Variants in BMI1 observed in about 807,000 individuals in gnomAD.
The protein encoded by BMI1 is polycomb complex protein BMI-1.
Under a neutral mutation model 39.1 loss-of-function variants are expected in BMI1, and 9 were observed. That is an observed-to-expected ratio of 0.23 (90% CI 0.14 to 0.40). BMI1 has a LOEUF of 0.40. Ranked by LOEUF, BMI1 falls within the 10% of genes least tolerant of loss-of-function variation. BMI1 has a pLI of 1.00. For missense variants in BMI1, 252 were observed against 390.8 expected, an observed-to-expected ratio of 0.64 and a Z score of 2.99; for synonymous variants, 131 against 127.9, an observed-to-expected ratio of 1.02 and a Z score of -0.16.
chr10:22,325,725 A>G (rs1443094881), intron 1 of BMI1: 5 of 151,226 alleles, frequency 3.3e-5, no homozygotes, highest in African/African-American at 1.2e-4. Context: ...TGCCAAGTGT[A>G]AGTGTAAGTT....
At chr10:22,322,929 C>G (rs1485919137) in intron 1 of BMI1, among the ~76,000 whole-genome samples, 2 of 152,126 alleles carry the variant, frequency 1.3e-5, no homozygotes, top group East Asian at 3.8e-4. Flanking sequence ...TTACCACTTG[C>G]AATAAAAGGA....
Position 22,331,001 on chromosome 10 carries a change from G to C in BMI1, c.*1459G>C, listed in dbSNP as rs932722090. On this transcript the variant is annotated 3_prime_UTR_variant, in exon 10 of 10. Coordinates refer to ENST00000376663, the MANE Select transcript of BMI1 (RefSeq NM_005180.9). ...GTAGCTAAACATTTCATTGTCCCCAGTCTGCAAAAGAAGCACAATTCTATT... is the reference window on the plus strand; with the variant it reads ...GTAGCTAAACATTTCATTGTCCCCACTCTGCAAAAGAAGCACAATTCTATT... 6.6e-6 allele frequency: 1 copy of C among 152,534 alleles called. No individual in the cohort carries two copies. The highest frequency in any genetic ancestry group is 2.4e-5 in the African/African-American group (1 of 41,436). 9.4% of individuals were successfully genotyped at this position (152,534 alleles called of 1,614,324 possible).
At position 22,329,628 on chromosome 10, in the gene BMI1, C is replaced by A; in HGVS notation, c.*86C>A. 1 of 1,452,138 alleles carries A rather than the reference C, an allele frequency of 6.9e-7. No homozygotes were observed. Among genetic ancestry groups the A allele is most frequent in the Non-Finnish European group, 9.2e-7 (1 of 1,083,930 alleles). The allele number at this position is 1,452,138 out of a possible 1,614,324, so 90.0% of individuals were successfully genotyped here. On this transcript the variant is annotated 3_prime_UTR_variant, in exon 10 of 10. Transcript: ENST00000376663. ...CATTACAGCTTTCTAGATGCTAATA[C>A]ATGTGACTATCGTCCAATTTGCTTT...
chr10:22,329,159 TG>T, intron 9 of BMI1, 31 bp downstream of exon 9: 1 of 1,610,514 alleles, frequency 6.2e-7, no homozygotes, highest in Non-Finnish European at 8.5e-7. Flanking sequence ...TAGATTATGA[TG>T]GTAAACTATA....
At position 22,329,464 on chromosome 10, in the gene BMI1, C is replaced by T. The variant is rs554358305; in HGVS notation, c.903C>T (p.Ser301=). 94 of 1,614,154 alleles carry T rather than the reference C, an allele frequency of 5.8e-5. No homozygotes were observed. Among genetic ancestry groups the T allele is most frequent in the Non-Finnish European group, 7.3e-5 (86 of 1,180,024 alleles). Residue 301 remains serine, a synonymous_variant, in exon 10 of 10, where the codon AGC becomes AGT. Transcript: ENST00000376663. ...TGAATGGAACCAGCAACAGCCCCAG[C>T]GGTAACCACCAATCTTCTTTTGCCA... ...STMNGTSNSP[S]GNHQSSFANR...
At chr10:22,326,804 G>A (rs1438496516) in intron 2 of BMI1, 86 bp from the exon 3 acceptor site, 1 of 1,515,258 alleles carries the variant, frequency 6.6e-7, no homozygotes, top group Non-Finnish European at 9.0e-7. Context: ...TCACCATCTT[G>A]TTTTCTACTA....
chr10:22,325,897 C>T (rs1200032428), intron 1 of BMI1: 1 of 152,244 alleles, frequency 6.6e-6, no homozygotes. Context: ...CAGCACCCGG[C>T]TCCGGAAATG....
At chr10:22,327,040 T>C (rs1399238426) in intron 3 of BMI1, 54 bp downstream of exon 3, 3 of 1,575,876 alleles carry the variant, frequency 1.9e-6, no homozygotes, top group Middle Eastern at 1.7e-4. Context: ...TTGTATAATT[T>C]ACTGAAGGCA....
rs1248911621 is a variant in BMI1, at chr10:22,330,727, T to TGCTTTTACA, written c.*1187_*1195dup. The stretch of plus-strand genomic sequence containing the variant: ...TAGCAGTAATTTTAAATTTAAGAGT[T>TGCTTTTACA]GCTTTTACAGTTAACAATGGAATAT... On this transcript the variant is annotated 3_prime_UTR_variant, in exon 10 of 10. Transcript: ENST00000376663. 1 of 152,568 alleles carries TGCTTTTACA rather than the reference T, an allele frequency of 6.6e-6. No individual in the cohort carries two copies. Among genetic ancestry groups the TGCTTTTACA allele is most frequent in the African/African-American group, 2.4e-5 (1 of 41,480 alleles). The allele number at this position is 152,568 out of a possible 1,614,324, so 9.5% of individuals were successfully genotyped here. A position where few individuals can be genotyped will look rare whatever the true frequency, so the allele number is the denominator to read the frequency against.
At position 22,329,266 on chromosome 10, in the gene BMI1, G is replaced by A. The variant is rs770205924; in HGVS notation, c.705G>A (p.Lys235=). 1 of 1,614,166 alleles carries A rather than the reference G, an allele frequency of 6.2e-7. No individual in the cohort carries two copies. The highest frequency in any genetic ancestry group is 8.5e-7 in the Non-Finnish European group (1 of 1,180,030). Residue 235 remains lysine, a synonymous_variant, in exon 10 of 10, where the codon AAG becomes AAA. Transcript: ENST00000376663. ...TTCGACCTACTTGTAAAAGAATGAA[G>A]ATCAGTCACCAGAGAGATGGACTGA... ...YRVRPTCKRM[K]ISHQRDGLTN...
rs1194118014 is a variant in BMI1, at chr10:22,330,896, G to C, written c.*1354G>C. 6.6e-6 allele frequency: 1 copy of C among 152,534 alleles called. No homozygotes were observed. Among genetic ancestry groups the C allele is most frequent in the African/African-American group, 2.4e-5 (1 of 41,434 alleles). 9.4% of individuals were successfully genotyped at this position (152,534 alleles called of 1,614,324 possible). On this transcript the variant is annotated 3_prime_UTR_variant, in exon 10 of 10. Transcript: ENST00000376663. Reference sequence around the variant, plus strand: ...TTATTTTTTGCTTTGGTCGAACTTGGTGTGTGTTCATCACCCATCAGTTAT... The same window carrying C: ...TTATTTTTTGCTTTGGTCGAACTTGCTGTGTGTTCATCACCCATCAGTTAT...
At chr10:22,322,386 G>C in intron 1 of BMI1, among the ~76,000 whole-genome samples, 1 of 152,168 alleles carries the variant, frequency 6.6e-6, no homozygotes, top group East Asian at 1.9e-4. Context: ...ACTTAAGTTG[G>C]GGGGACACTT....
rs114548143 is a variant in BMI1, at chr10:22,331,064, A to C, written c.*1522A>C. On this transcript the variant is annotated 3_prime_UTR_variant, in exon 10 of 10. Transcript: ENST00000376663. ...TTATAGTCATTAAATCATTACTTTT[A>C]CATATATTGCTGTTACTTCTGCTTT... The C allele has an allele frequency of 1.3e-5, 2 of 152,562 alleles. No individual in the cohort carries two copies. The highest frequency in any genetic ancestry group is 2.9e-5 in the Non-Finnish European group (2 of 67,984). 9.5% of individuals were successfully genotyped at this position (152,562 alleles called of 1,614,324 possible).
At position 22,329,135 on chromosome 10, in the gene BMI1, A is replaced by G. The variant is rs751466378; in HGVS notation, c.651+7A>G. 1.9e-6 allele frequency: 3 copies of G among 1,612,038 alleles called. No homozygotes were observed. In the South Asian group the frequency reaches 3.3e-5, roughly 18 times the overall value. The stretch of plus-strand genomic sequence containing the variant: ...CATTTATACCTGGAGAAGGGTAAGT[A>G]GCATATCTGTTGTTAGATTATGATG... On this transcript the variant is annotated splice_region_variant and intron_variant, in intron 9 of 9. Coordinates refer to ENST00000376663, the MANE Select transcript of BMI1 (RefSeq NM_005180.9).
chr10:22,329,514 A>G lies in BMI1; in HGVS notation c.953A>G (p.Asn318Ser). ...FANRPRKSSV[N>S]GSSATSSG ...AATAGACCTCGAAAATCATCAGTAA[A>G]TGGGTCATCAGCAACTTCTTCTGGT... Residue 318 changes from asparagine to serine, a missense_variant, in exon 10 of 10, where the codon AAT becomes AGT. Physicochemically the swap from Asn to Ser is conservative, Grantham distance 46. Around this residue, in one of 4 missense-constraint regions of BMI1, gnomAD observed 96 missense variants for 120.2 expected, o/e 0.80. Transcript: ENST00000376663. 1 of 1,614,078 alleles carries G rather than the reference A, an allele frequency of 6.2e-7. No homozygotes were observed. Among genetic ancestry groups the G allele is most frequent in the Non-Finnish European group, 8.5e-7 (1 of 1,179,954 alleles).
chr10:22,329,536 T>A lies in BMI1; in HGVS notation c.975T>A (p.Ser325=). The A allele has an allele frequency of 6.2e-7, 1 of 1,613,694 alleles. No individual in the cohort carries two copies. Among genetic ancestry groups the A allele is most frequent in the South Asian group, 1.1e-5 (1 of 91,074 alleles). The change falls in exon 10 of 10, where the codon TCT becomes TCA. Residue 325 remains serine (S), a synonymous_variant. Coordinates refer to ENST00000376663, the MANE Select transcript of BMI1 (RefSeq NM_005180.9). The part of the protein sequence containing the change: ...SSVNGSSATS[S]G ...TAAATGGGTCATCAGCAACTTCTTC[T>A]GGTTGATACCTGAGACTGTTAAGGA...
At chr10:22,329,163 A>G in intron 9 of BMI1, 35 bp downstream of exon 9, 3 of 1,610,346 alleles carry the variant, frequency 1.9e-6, no homozygotes, top group East Asian at 4.5e-5. Flanking sequence ...TTATGATGGT[A>G]AACTATATTT....
Position 22,329,202 on chromosome 10 carries a change from T to TAA in BMI1, c.652-10_652-9dup. 2 of 1,611,822 alleles carry TAA rather than the reference T, an allele frequency of 1.2e-6. No individual in the cohort carries two copies. Among genetic ancestry groups the TAA allele is most frequent in the Non-Finnish European group, 1.7e-6 (2 of 1,179,164 alleles). Reference sequence around the variant, plus strand: ...GAATTAAGAGTAATTTTTTTCCTTTTAACTTTGTAGAATGGTCCACTTCCA... The same window carrying TAA: ...GAATTAAGAGTAATTTTTTTCCTTTTAAAACTTTGTAGAATGGTCCACTTCCA... On this transcript the variant is annotated splice_polypyrimidine_tract_variant and intron_variant, in intron 9 of 9. Coordinates refer to ENST00000376663, the MANE Select transcript of BMI1 (RefSeq NM_005180.9).
rs192679311 is a variant in BMI1 at position 22,330,943 on chromosome 10, A to G, written c.*1401A>G. The G allele has an allele frequency of 5.9e-4, 90 of 152,682 alleles. No individual in the cohort carries two copies. The highest frequency in any genetic ancestry group is 5.4e-3 in the Admixed American group (82 of 15,296). The allele number at this position is 152,682 out of a possible 1,614,324, so 9.5% of individuals were successfully genotyped here. A position where few individuals can be genotyped will look rare whatever the true frequency, so the allele number is the denominator to read the frequency against. ...TTATTTGTGAGGGTGTTTATTCTAT[A>G]TGAATATTGTTTCATGTTTGTATGG... On this transcript the variant is annotated 3_prime_UTR_variant, in exon 10 of 10. Transcript: ENST00000376663.
Sources: gnomAD v4.1 joint callset for allele counts (sites outside exome capture counted in the v4.1 genomes callset) on GRCh38, gnomAD v4.1.1 for gene constraint, gnomAD v4.1.1 regional missense constraint, MANE v1.5 for transcripts, NCBI Gene and HGNC (gene_info 2026-07-23, HGNC 2026-07-21) for gene names.